The following UCKL1 variants were observed in gnomAD, a reference collection of about 807,000 sequenced individuals.
The protein encoded by UCKL1 is uridine-cytidine kinase 1 like 1, also known as uridine-cytidine kinase-like 1.
Under a neutral mutation model 59.2 loss-of-function variants are expected in UCKL1, and 65 were observed. The ratio of observed to expected loss-of-function variants is 1.10; its 90% CI spans 0.90 to 1.35. The LOEUF is 1.35. Among genes scored for constraint, UCKL1 ranks in the 40% most tolerant of loss-of-function variants. UCKL1 has a pLI of 0.00. For synonymous variants in UCKL1, 410 were observed against 323.1 expected, an observed-to-expected ratio of 1.27 and a Z score of -2.88; for missense variants, 703 against 784.3, an observed-to-expected ratio of 0.90 and a Z score of 1.24.
At chr20:63,946,038 CAG>C (rs2146528662) in intron 3 of UCKL1, 63 bp from the exon 4 acceptor site, 1 of 1,610,900 alleles carries the variant, frequency 6.2e-7, no homozygotes, top group Non-Finnish European at 8.5e-7. Context: ...TGCCAGCGGA[CAG>C]GGGCTCTAGG....
chr20:63,956,259 C>G lies in UCKL1; in HGVS notation c.113+1G>C. 6.5e-7 allele frequency: 1 copy of G among 1,536,260 alleles called. No individual in the cohort carries two copies. Among genetic ancestry groups the G allele is most frequent in the Non-Finnish European group, 8.7e-7 (1 of 1,145,172 alleles). On this transcript the variant is annotated splice_donor_variant, in intron 1 of 14. Transcript: ENST00000354216. LOFTEE classifies it high-confidence loss of function. ...GGAGTGGAGGCGAGGCCCACGCCTACCGGTCCTCGCACGCGGTCTCGCTTT... is the reference window on the plus strand; with the variant it reads ...GGAGTGGAGGCGAGGCCCACGCCTAGCGGTCCTCGCACGCGGTCTCGCTTT...
intron 1 of UCKL1, among the ~76,000 whole-genome samples, chr20:63,949,495 C>T (rs1027288067): frequency 4.6e-5 from 7 of 152,200 alleles, no homozygotes; most frequent in African/African-American, 9.6e-5. Context: ...ACATGACCAA[C>T]GCACCAGCAG....
chr20:63,940,885 G>A, intron 10 of UCKL1, 29 bp from the exon 11 acceptor site: 1 of 1,522,666 alleles, frequency 6.6e-7, no homozygotes, highest in Non-Finnish European at 8.8e-7. Flanking sequence ...GGACTCCGGT[G>A]AGCGCAGGGA....
At chr20:63,943,127 C>T (rs1172902936) in intron 8 of UCKL1, among the ~76,000 whole-genome samples, 3 of 152,232 alleles carry the variant, frequency 2.0e-5, no homozygotes, top group Admixed American at 1.3e-4. Context: ...CTTCTTGCTG[C>T]AGTTGCCCAG....
Position 63,952,713 on chromosome 20 carries a change from C to T in UCKL1, c.113+3547G>A, listed in dbSNP as rs186394954. 3.6e-3 allele frequency among the ~76,000 whole-genome samples: 543 copies of T among 152,354 alleles called. 4 individuals carry two copies. The highest frequency in any genetic ancestry group is 0.012 in the African/African-American group (519 of 41,588). ...CTTGCAGGTGGGGCTGTCTGAGGCC[C>T]GTGGTGCTGGAGGCTGCCTCAGTCA... On this transcript the variant is annotated intron_variant, in intron 1 of 14. Transcript: ENST00000354216.
chr20:63,953,681 C>T (rs1324387443), intron 1 of UCKL1: 1 of 152,200 alleles, frequency 6.6e-6, no homozygotes, highest in Non-Finnish European at 1.5e-5. Context: ...CAGCCCAGGA[C>T]TCTATCTCCA....
chr20:63,947,031 C>G (rs534153228), intron 1 of UCKL1, among the ~76,000 whole-genome samples: 14 of 151,924 alleles, frequency 9.2e-5, no homozygotes, highest in Middle Eastern at 3.4e-3. Context: ...TTGCAATGAG[C>G]TATCGTGCCA....
Position 63,941,198 on chromosome 20 carries a change from C to T in UCKL1, c.934G>A (p.Ala312Thr). The T allele has an allele frequency of 6.5e-7, 1 of 1,534,746 alleles. No individual in the cohort carries two copies. Among genetic ancestry groups the T allele is most frequent in the South Asian group, 1.2e-5 (1 of 82,902 alleles). ...AGCGGGTGGCACTGGTGTGCCGAGG[C>T]CAGCGCAGCCCTGGGGACAAACCGA... Reference protein sequence around the residue: ...ERELSVRAALASAHQCHPLPR... With the variant: ...ERELSVRAALTSAHQCHPLPR... The change falls in exon 9 of 15, where the codon GCC (alanine) becomes ACC (threonine). Residue 312 changes from alanine to threonine, a missense_variant. Transcript: ENST00000354216.
intron 2 of UCKL1, 86 bp downstream of exon 2, chr20:63,946,367 C>A: frequency 1.3e-6 from 2 of 1,526,586 alleles, no homozygotes; most frequent in Non-Finnish European, 1.8e-6. Context: ...TGCGGTTGCC[C>A]GGCTTCCTTC....
intron 2 of UCKL1, 57 bp from the exon 3 acceptor site, chr20:63,946,324 G>C (rs1219859904): frequency 1.3e-6 from 2 of 1,541,142 alleles, no homozygotes; most frequent in Admixed American, 2.0e-5. Flanking sequence ...GGCACAGATA[G>C]GTCCCAGAGG....
At chr20:63,941,673 G>A in intron 8 of UCKL1, 1 of 218,262 alleles carries the variant, frequency 4.6e-6, no homozygotes, top group Non-Finnish European at 1.0e-5. Context: ...TCAAGAGAGG[G>A]GGGTGGGGGG....
chr20:63,956,360 G>C lies in UCKL1; in HGVS notation c.13C>G (p.Pro5Ala). 6.5e-7 allele frequency: 1 copy of C among 1,530,324 alleles called. No homozygotes were observed. The highest frequency in any genetic ancestry group is 1.2e-5 in the South Asian group (1 of 82,264). The allele number at this position is 1,530,324 out of a possible 1,614,324, so 94.8% of individuals were successfully genotyped here. The stretch of plus-strand genomic sequence containing the variant: ...GAAGGATCAGCGTCCGCGCGGGCCG[G>C]GGGCGCAGCCATGGCGCTCGGAGGC... The part of the protein sequence containing the change: MAAP[P>A]ARADADPSPT... Residue 5 changes from proline (P) to alanine (A), a missense_variant, in exon 1 of 15, where the codon CCG (proline) becomes GCG (alanine). By Grantham distance (27) the Pro-to-Ala change is conservative. Transcript: ENST00000354216.
At chr20:63,945,453 C>T (rs1394961205) in intron 5 of UCKL1, among the ~76,000 whole-genome samples, 198 bp downstream of exon 5, 2 of 152,272 alleles carry the variant, frequency 1.3e-5, no homozygotes, top group African/African-American at 4.8e-5. Context: ...CTGCCTCAGG[C>T]AGCCACGCTC....
intron 1 of UCKL1, chr20:63,950,710 C>A: frequency 6.8e-7 from 1 of 1,465,948 alleles, no homozygotes; most frequent in Non-Finnish European, 9.0e-7. Context: ...GCCAGGACCA[C>A]AGCACAAGTG....
At position 63,942,373 on chromosome 20, in the gene UCKL1, C is replaced by T. The variant is rs542874808; in HGVS notation, c.924-1165G>A. 81 of 1,159,980 alleles carry T rather than the reference C, an allele frequency of 7.0e-5. No homozygotes were observed. In the African/African-American group the frequency reaches 1.3e-3, roughly 19 times the overall value. The allele number at this position is 1,159,980 out of a possible 1,614,324, so 71.9% of individuals were successfully genotyped here. On this transcript the variant is annotated intron_variant, in intron 8 of 14. Transcript: ENST00000354216. ...GGCGTGACAGCGGCAGGGAAAGGGG[C>T]GGGGCAGGAGCAGGAAAGAGGGCCT...
At chr20:63,942,788 C>T (rs1212948192) in intron 8 of UCKL1, 11 of 455,794 alleles carry the variant, frequency 2.4e-5, no homozygotes, top group South Asian at 1.4e-4. Flanking sequence ...AAGTTTGAAA[C>T]CCTGGAAAGT....
At chr20:63,946,763 A>G in intron 1 of UCKL1, 120 bp from the exon 2 acceptor site, 2 of 1,066,846 alleles carry the variant, frequency 1.9e-6, no homozygotes, top group Non-Finnish European at 2.7e-6. Flanking sequence ...TGAGGCGGGC[A>G]GGCTCATTGG....
chr20:63,942,903 G>T (rs1000711236), intron 8 of UCKL1, among the ~76,000 whole-genome samples: 1 of 152,210 alleles, frequency 6.6e-6, no homozygotes. Context: ...GGCACCGGAA[G>T]CTGGACGGCT....
At chr20:63,944,779 G>T (rs981306551) in intron 5 of UCKL1, 45 bp from the exon 6 acceptor site, 2 of 1,602,558 alleles carry the variant, frequency 1.2e-6, no homozygotes, top group South Asian at 1.1e-5. Flanking sequence ...GCCAGCAGTG[G>T]GCATGGAGAC....
Sources: allele counts gnomAD v4.1 joint callset (sites outside exome capture counted in the v4.1 genomes callset), GRCh38; gene constraint gnomAD v4.1.1; transcripts MANE v1.5; gene names NCBI Gene and HGNC (gene_info 2026-07-23, HGNC 2026-07-21).